The following GDPD5 variants were observed in gnomAD, a reference collection of about 807,000 sequenced individuals.
GDPD5 encodes the protein glycerophosphodiester phosphodiesterase domain containing 5.
GDPD5 carries 48 observed loss-of-function variants against 75.1 expected under a neutral mutation model. The ratio of observed to expected loss-of-function variants is 0.64; its 90% CI spans 0.51 to 0.81. GDPD5 has a LOEUF of 0.81. GDPD5 is among the 40% of genes least tolerant of loss of function. The pLI is 0.00. For missense variants in GDPD5, 706 were observed against 822.6 expected (o/e 0.86, Z 1.73); for synonymous variants, 336 against 339.0 (o/e 0.99, Z 0.10).
At chr11:75,445,077 AG>A (rs1948952166) in intron 9 of GDPD5, among the ~76,000 whole-genome samples, 1 of 152,160 alleles carries the variant, frequency 6.6e-6, no homozygotes, top group Non-Finnish European at 1.5e-5. Flanking sequence ...GTGAATTAAA[AG>A]CCTCTAGCAC....
chr11:75,520,085 A>G (rs576055713), intron 1 of GDPD5, among the ~76,000 whole-genome samples: 11 of 152,232 alleles, frequency 7.2e-5, no homozygotes, highest in Middle Eastern at 6.8e-3. Context: ...CTGCTTACAC[A>G]CCACTGTTCA....
At chr11:75,465,415 C>T (rs953940416) in intron 3 of GDPD5, among the ~76,000 whole-genome samples, 5 of 152,254 alleles carry the variant, frequency 3.3e-5, no homozygotes, top group Middle Eastern at 3.4e-3. Flanking sequence ...CTCAGAGCTC[C>T]GTAACCCATG....
intron 2 of GDPD5, among the ~76,000 whole-genome samples, chr11:75,489,639 C>T (rs1054307522): frequency 6.6e-6 from 1 of 152,222 alleles, no homozygotes; most frequent in Non-Finnish European, 1.5e-5. Context: ...GAAGCCCATT[C>T]AACCCTCAGA....
At chr11:75,456,880 C>G in intron 5 of GDPD5, 64 bp from the exon 6 acceptor site, 1 of 1,508,246 alleles carries the variant, frequency 6.6e-7, no homozygotes, top group Non-Finnish European at 9.2e-7. Context: ...GCCAGTTTCT[C>G]AGACACCCTG....
chr11:75,495,647 A>G (rs973308825), intron 1 of GDPD5, among the ~76,000 whole-genome samples: 1 of 152,210 alleles, frequency 6.6e-6, no homozygotes, highest in Non-Finnish European at 1.5e-5. Flanking sequence ...TTCAATGTAC[A>G]TTGTGAAGGT....
At chr11:75,446,112 C>T (rs1948980339) in intron 9 of GDPD5, among the ~76,000 whole-genome samples, 1 of 152,222 alleles carries the variant, frequency 6.6e-6, no homozygotes, top group Non-Finnish European at 1.5e-5. Flanking sequence ...GCCAGGCCTT[C>T]CATCAGGGAC....
At chr11:75,472,875 C>T (rs1332930175) in intron 3 of GDPD5, among the ~76,000 whole-genome samples, 2 of 151,894 alleles carry the variant, frequency 1.3e-5, no homozygotes, top group East Asian at 3.9e-4. Flanking sequence ...TGCTGTGGAA[C>T]CCCAGGGGAG....
At chr11:75,475,966 GA>G (rs1949769252) in intron 3 of GDPD5, among the ~76,000 whole-genome samples, 1 of 152,188 alleles carries the variant, frequency 6.6e-6, no homozygotes, top group Non-Finnish European at 1.5e-5. Context: ...ATCACTTCCT[GA>G]CTCCATGCCT....
At chr11:75,500,330 A>G (rs1054957506) in intron 1 of GDPD5, among the ~76,000 whole-genome samples, 4 of 151,830 alleles carry the variant, frequency 2.6e-5, no homozygotes, top group African/African-American at 9.7e-5. Context: ...GTCTGCACCC[A>G]TATCTCCACT....
chr11:75,448,567 C>A (rs1254306258), intron 9 of GDPD5: 3 of 993,698 alleles, frequency 3.0e-6, no homozygotes, highest in African/African-American at 3.5e-5. Flanking sequence ...CGTCTTTCTC[C>A]AACTCACGTC....
chr11:75,463,125 C>A (rs73494872), intron 3 of GDPD5, among the ~76,000 whole-genome samples: 31 of 152,298 alleles, frequency 2.0e-4, no homozygotes, highest in Non-Finnish European at 3.1e-4. Context: ...GGCCTCCCCC[C>A]CTGGGGCTGT....
At chr11:75,440,497 C>T (rs950606784) in intron 14 of GDPD5, among the ~76,000 whole-genome samples, 6 of 152,160 alleles carry the variant, frequency 3.9e-5, no homozygotes, top group African/African-American at 1.4e-4. Context: ...TCTGCAGGTG[C>T]CCAGTCAACC....
At chr11:75,518,166 C>T (rs1316275265) in intron 1 of GDPD5, among the ~76,000 whole-genome samples, 3 of 152,180 alleles carry the variant, frequency 2.0e-5, no homozygotes, top group South Asian at 2.1e-4. Context: ...TGTGTGGCCT[C>T]GTCTGGCCTC....
intron 10 of GDPD5, among the ~76,000 whole-genome samples, chr11:75,443,698 G>T (rs1384158050): frequency 1.3e-5 from 2 of 152,206 alleles, no homozygotes; most frequent in African/African-American, 4.8e-5. Flanking sequence ...GCTATGATGA[G>T]AACAGTGCAA....
Position 75,435,174 on chromosome 11 carries a change from A to C in GDPD5, c.*333T>G, listed in dbSNP as rs1948592650. The C allele has an allele frequency of 1.4e-5, 3 of 210,534 alleles. No homozygotes were observed. Among genetic ancestry groups the C allele is most frequent in the Non-Finnish European group, 2.8e-5 (3 of 105,860 alleles). The allele number at this position is 210,534 out of a possible 1,614,324, so 13.0% of individuals were successfully genotyped here. A position where few individuals can be genotyped will look rare whatever the true frequency, so the allele number is the denominator to read the frequency against. On this transcript the variant is annotated 3_prime_UTR_variant, in exon 17 of 17. Transcript: ENST00000336898. ...GAGCATCCACACACTCCATTGCCAC[A>C]GGGGGTATGGCATGGCCCATGACCC... is the stretch of plus-strand genomic sequence containing the variant.
At chr11:75,521,692 T>C (rs1273772790) in intron 1 of GDPD5, among the ~76,000 whole-genome samples, 2 of 152,122 alleles carry the variant, frequency 1.3e-5, no homozygotes, top group East Asian at 1.9e-4. Flanking sequence ...GACCAGAGGG[T>C]TGGGTAATCC....
chr11:75,491,175 G>A (rs1950101464), intron 1 of GDPD5, among the ~76,000 whole-genome samples: 1 of 152,180 alleles, frequency 6.6e-6, no homozygotes. Flanking sequence ...AACCAGAGGT[G>A]GACAGAGCTG....
chr11:75,461,081 T>C (rs1187855968), intron 4 of GDPD5, among the ~76,000 whole-genome samples: 2 of 152,162 alleles, frequency 1.3e-5, no homozygotes, highest in Non-Finnish European at 2.9e-5. Flanking sequence ...CTCTTCAGTC[T>C]GTCCTCAATT....
intron 1 of GDPD5, among the ~76,000 whole-genome samples, chr11:75,521,510 A>G (rs2135517788): frequency 6.6e-6 from 1 of 152,360 alleles, no homozygotes. Context: ...AAGAGTGTCT[A>G]TAAAACATTT....
Sources: gnomAD v4.1 joint callset for allele counts (sites outside exome capture counted in the v4.1 genomes callset) on GRCh38, gnomAD v4.1.1 for gene constraint, MANE v1.5 for transcripts, NCBI Gene and HGNC (gene_info 2026-07-23, HGNC 2026-07-21) for gene names.